Variants in ARMC2 observed in about 807,000 individuals in gnomAD.
ARMC2 encodes the protein armadillo repeat-containing protein 2.
A neutral mutation model predicts 90.3 loss-of-function variants in ARMC2; 67 were observed. That is an observed-to-expected ratio of 0.74 (90% CI 0.61 to 0.91). The LOEUF (loss-of-function observed/expected upper bound fraction) is 0.91. Ranked by LOEUF, ARMC2 falls within the 40% of genes least tolerant of loss-of-function variation. The probability of loss-of-function intolerance (pLI) is 0.00; values close to 1 mark genes in which losing one functional copy is unlikely to be tolerated. For missense variants in ARMC2, 920 were observed against 1,030.9 expected (o/e 0.89, Z 1.47); for synonymous variants, 393 against 393.0 (o/e 1.00, Z 0.00).
At chr6:108,884,282 G>T (rs1248838865) in intron 5 of ARMC2, among the ~76,000 whole-genome samples, 2 of 152,160 alleles carry the variant, frequency 1.3e-5, no homozygotes, top group African/African-American at 2.4e-5. Context: ...AGCAGCATCA[G>T]CATCCCCTGG....
At chr6:109,017,580 C>T in the ARMC2 span, among the ~76,000 whole-genome samples, 71 of 152,192 alleles carry the variant, frequency 4.7e-4, no homozygotes, top group East Asian at 9.5e-3. Context: ...CCACCGCGCC[C>T]GGCCCAAATA....
intron 13 of ARMC2, among the ~76,000 whole-genome samples, chr6:108,961,103 A>G (rs1180690951): frequency 1.3e-5 from 2 of 152,124 alleles, no homozygotes; most frequent in Non-Finnish European, 1.5e-5. Context: ...AGGAGGCCAG[A>G]GGTGTCTTCT....
At chr6:108,994,534 C>G in the ARMC2 span, 4 of 1,613,558 alleles carry the variant, frequency 2.5e-6, no homozygotes, top group Non-Finnish European at 3.4e-6. Flanking sequence ...TGACTTGCCT[C>G]TTCTTCATCT....
At chr6:108,876,371 A>G (rs1208119827) in intron 5 of ARMC2, 21 bp downstream of exon 5, 1 of 1,596,380 alleles carries the variant, frequency 6.3e-7, no homozygotes, top group Admixed American at 1.7e-5. Flanking sequence ...TTTTTATTTA[A>G]TTTTCTGGTC....
At chr6:108,962,411 C>T (rs1778062072) in intron 15 of ARMC2, among the ~76,000 whole-genome samples, 1 of 152,136 alleles carries the variant, frequency 6.6e-6, no homozygotes, top group South Asian at 2.1e-4. Flanking sequence ...CTTAAGAAGA[C>T]ATTCTCTTTT....
intron 8 of ARMC2, among the ~76,000 whole-genome samples, chr6:108,909,267 T>A (rs1268915299): frequency 1.3e-5 from 2 of 152,184 alleles, no homozygotes; most frequent in Non-Finnish European, 2.9e-5. Flanking sequence ...TTTTTAGACA[T>A]AATGTTCACA....
At chr6:108,888,778 C>T (rs1329205640) in intron 5 of ARMC2, among the ~76,000 whole-genome samples, 2 of 152,224 alleles carry the variant, frequency 1.3e-5, no homozygotes, top group Non-Finnish European at 2.9e-5. Flanking sequence ...GAAATCCTGT[C>T]AACCCTTGAC....
intron 5 of ARMC2, among the ~76,000 whole-genome samples, chr6:108,885,227 GGTGTGTGTGTGT>G (rs61665393): frequency 6.7e-6 from 1 of 149,822 alleles, no homozygotes; most frequent in African/African-American, 2.5e-5. Flanking sequence ...GGTGCCAAGG[GGTGTGTGTGTGT>G]GTGTGTGTGT....
chr6:108,886,964 G>A (rs1262715622), intron 5 of ARMC2, among the ~76,000 whole-genome samples: 2 of 151,270 alleles, frequency 1.3e-5, no homozygotes, highest in Admixed American at 6.6e-5. Context: ...GCAGTGGTGT[G>A]TGGTGTGATC....
intron 8 of ARMC2, 112 bp from the exon 9 acceptor site, chr6:108,910,787 T>TC (rs1554250082): frequency 7.2e-6 from 3 of 416,960 alleles, no homozygotes; most frequent in Non-Finnish European, 3.6e-6. Context: ...TTAGAACTTT[T>TC]TCATGTTTAA....
intron 11 of ARMC2, 115 bp from the exon 12 acceptor site, chr6:108,936,785 C>A (rs9386765): frequency 0.037 from 31,673 of 851,712 alleles, 1,660 homozygotes; most frequent in East Asian, 0.21. Context: ...TTTTAGACTC[C>A]TTTTCTTGAA....
chr6:109,044,079 C>T, the ARMC2 span, among the ~76,000 whole-genome samples: 1 of 151,536 alleles, frequency 6.6e-6, no homozygotes, highest in African/African-American at 2.4e-5. Context: ...CTTTGGGAGG[C>T]CAAGGCAAGA....
At position 108,854,440 on chromosome 6, in the gene ARMC2, C is replaced by T. The variant is rs773652426; in HGVS notation, c.173C>T (p.Pro58Leu). 1 of 1,613,502 alleles carries T rather than the reference C, an allele frequency of 6.2e-7. No individual in the cohort carries two copies. The highest frequency in any genetic ancestry group is 8.5e-7 in the Non-Finnish European group (1 of 1,179,830). The change falls in exon 2 of 18, where the codon CCT becomes CTT. Residue 58 changes from proline (P) to leucine (L), a missense_variant. Coordinates refer to ENST00000392644, the MANE Select transcript of ARMC2 (RefSeq NM_032131.6). ...PQEAQRKLFG[P>L]ASSRTSENRP... ...GAGGCTCAAAGAAAACTATTCGGAC[C>T]TGCATCCTCAAGAACATCAGAAAAT...
chr6:108,881,944 A>G (rs951805852), intron 5 of ARMC2, among the ~76,000 whole-genome samples: 2 of 152,128 alleles, frequency 1.3e-5, no homozygotes, highest in Non-Finnish European at 2.9e-5. Context: ...TAATAAATAA[A>G]TGGCTCTGTT....
chr6:108,889,889 T>TA (rs1190599507), intron 5 of ARMC2, among the ~76,000 whole-genome samples: 1 of 151,254 alleles, frequency 6.6e-6, no homozygotes, highest in Non-Finnish European at 1.5e-5. Context: ...ACTTTTCCAT[T>TA]AAAAAACAGT....
intron 4 of ARMC2, among the ~76,000 whole-genome samples, chr6:108,870,600 AGAAG>A (rs1776300743): frequency 1.3e-5 from 2 of 152,036 alleles, no homozygotes; most frequent in Non-Finnish European, 2.9e-5. Flanking sequence ...AAAAAAGGAA[AGAAG>A]GAAAGAAAAA....
chr6:109,007,130 A>G, the ARMC2 span, among the ~76,000 whole-genome samples: 4 of 152,192 alleles, frequency 2.6e-5, no homozygotes, highest in Non-Finnish European at 5.9e-5. Flanking sequence ...CACCATCACA[A>G]TATTACTTCT....
chr6:109,031,329 CTG>C, the ARMC2 span, among the ~76,000 whole-genome samples: 1 of 152,174 alleles, frequency 6.6e-6, no homozygotes, highest in Non-Finnish European at 1.5e-5. Flanking sequence ...AAAGCAGTGA[CTG>C]TGCATGAGAA....
At chr6:108,890,207 A>AAAAAC (rs1770846676) in intron 5 of ARMC2, among the ~76,000 whole-genome samples, 1 of 128,732 alleles carries the variant, frequency 7.8e-6, no homozygotes, top group Non-Finnish European at 1.6e-5. Flanking sequence ...AAAAAAAAAA[A>AAAAAC]AAAAAAAAAA....
Sources: gnomAD v4.1 joint callset for allele counts (sites outside exome capture counted in the v4.1 genomes callset) on GRCh38, gnomAD v4.1.1 for gene constraint, MANE v1.5 for transcripts, NCBI Gene and HGNC (gene_info 2026-07-23, HGNC 2026-07-21) for gene names.